Variants in ZNF320 observed in about 807,000 individuals in gnomAD.
The protein encoded by ZNF320 is zinc finger protein 320.
A neutral mutation model predicts 6.8 loss-of-function variants in ZNF320; 2 were observed. The observed-to-expected ratio is 0.29, with a 90% CI of 0.12 to 0.93. The LOEUF is 0.93. ZNF320 is among the 40% of genes least tolerant of loss of function. The pLI is 0.55. For synonymous variants in ZNF320, 208 were observed against 203.2 expected (o/e 1.02, Z -0.20); for missense variants, 472 against 611.0 (o/e 0.77, Z 2.40).
chr19:52,860,762 C>G (rs953768851), downstream of ZNF320, among the ~76,000 whole-genome samples: 7 of 152,154 alleles, frequency 4.6e-5, no homozygotes, highest in African/African-American at 1.7e-4. Context: ...TACTATTAAG[C>G]TGCTTTCCTT....
chr19:52,867,184 TAA>T (rs1491587053), intron 5 of ZNF320, among the ~76,000 whole-genome samples: 48 of 151,832 alleles, frequency 3.2e-4, no homozygotes, highest in South Asian at 4.1e-4. Flanking sequence ...ATTAATTAAT[TAA>T]TTAATTTATT....
chr19:52,903,872 A>G, the ZNF320 span, among the ~76,000 whole-genome samples: 2 of 152,204 alleles, frequency 1.3e-5, no homozygotes, highest in East Asian at 3.9e-4. Flanking sequence ...ACCAAAACTA[A>G]AGTATCTAAC....
At position 52,880,925 on chromosome 19, in the gene ZNF320, C is replaced by A. The variant is rs532293032; in HGVS notation, c.1201G>T (p.Ala401Ser). 48 of 1,613,350 alleles carry A rather than the reference C, an allele frequency of 3.0e-5. No homozygotes were observed. The East Asian group carries it at 3.6e-4, about 12-fold the overall frequency. Residue 401 changes from alanine (A) to serine (S), a missense_variant, in exon 6 of 6, where the codon GCA becomes TCA. Transcript: ENST00000682928. ...CCAGTATGAAGTTTTTGATGACATG[C>A]GAGGTACGCTTTTGTACTAAAAACC... ...GKVFSTKAYLACHQKLHTGEK... is the reference protein window; with the variant it reads ...GKVFSTKAYLSCHQKLHTGEK...
At chr19:52,899,071 G>T (rs2064551919), upstream of ZNF320, among the ~76,000 whole-genome samples, 1 of 152,122 alleles carries the variant, frequency 6.6e-6, no homozygotes, top group Non-Finnish European at 1.5e-5. Context: ...ATGTCTTTTT[G>T]TGTAATAGAT....
chr19:52,867,199 T>C (rs191057832), intron 5 of ZNF320, among the ~76,000 whole-genome samples: 30 of 152,118 alleles, frequency 2.0e-4, no homozygotes, highest in Admixed American at 9.2e-4. Flanking sequence ...AATTTATTTA[T>C]TTATGTATTT....
chr19:52,901,753 G>T (rs1248973928), upstream of ZNF320, among the ~76,000 whole-genome samples: 6 of 152,190 alleles, frequency 3.9e-5, no homozygotes, highest in African/African-American at 1.4e-4. Context: ...TTTATGTTTT[G>T]CCTAAGAGTT....
chr19:52,874,419 C>T (rs1419214116), downstream of ZNF320, among the ~76,000 whole-genome samples: 1 of 152,074 alleles, frequency 6.6e-6, no homozygotes. Flanking sequence ...GAGGAAACTG[C>T]CTTGATTTTC....
upstream of ZNF320, among the ~76,000 whole-genome samples, chr19:52,899,085 T>C (rs924268603): frequency 3.9e-5 from 6 of 152,246 alleles, no homozygotes; most frequent in South Asian, 2.1e-4. Context: ...AATAGATTGA[T>C]AGTGATTCAT....
chr19:52,896,340 C>T (rs962889666), intron 1 of ZNF320, among the ~76,000 whole-genome samples: 2 of 152,242 alleles, frequency 1.3e-5, no homozygotes, highest in African/African-American at 4.8e-5. Flanking sequence ...ATCTGCCCGC[C>T]TTGGCCTCCC....
downstream of ZNF320, chr19:52,876,090 A>AC (rs981713494): frequency 1.3e-5 from 2 of 152,134 alleles, no homozygotes; most frequent in African/African-American, 4.8e-5. Flanking sequence ...AATATTATGG[A>AC]CCAGAGGAAC....
chr19:52,883,794 G>A (rs1251314870), intron 5 of ZNF320: 1 of 315,050 alleles, frequency 3.2e-6, no homozygotes, highest in Non-Finnish European at 6.2e-6. Flanking sequence ...CCAGCTACTT[G>A]GGAATCTGAG....
chr19:52,861,397 G>A (rs1286800792), exon 6 of ZNF320, among the ~76,000 whole-genome samples: 5 of 152,092 alleles, frequency 3.3e-5, no homozygotes, highest in Non-Finnish European at 7.4e-5. Context: ...TTGATGGATT[G>A]GAAAAATTAA....
At chr19:52,859,800 G>GT (rs1423059324), downstream of ZNF320, among the ~76,000 whole-genome samples, 20 of 150,948 alleles carry the variant, frequency 1.3e-4, no homozygotes, top group South Asian at 4.2e-4. Context: ...CAGGTAAACT[G>GT]TTTTTTTTTA....
intron 5 of ZNF320, among the ~76,000 whole-genome samples, chr19:52,869,931 T>C (rs1484812028): frequency 6.6e-6 from 1 of 151,768 alleles, no homozygotes; most frequent in East Asian, 2.0e-4. Flanking sequence ...TTAGCCAGGA[T>C]GGTCTCGATC....
the ZNF320 span, among the ~76,000 whole-genome samples, chr19:52,903,082 C>T: frequency 2.5e-3 from 374 of 152,008 alleles, 2 homozygotes; most frequent in African/African-American, 8.9e-3. Flanking sequence ...ACACCTTGTA[C>T]ATAAACTGTT....
At chr19:52,871,313 T>G (rs1436317743), downstream of ZNF320, among the ~76,000 whole-genome samples, 4 of 151,814 alleles carry the variant, frequency 2.6e-5, no homozygotes, top group Non-Finnish European at 5.9e-5. Flanking sequence ...GAGCGATATT[T>G]TCTCCCACTC....
Sources: gnomAD v4.1 joint callset for allele counts (sites outside exome capture counted in the v4.1 genomes callset) on GRCh38, gnomAD v4.1.1 for gene constraint, MANE v1.5 for transcripts, NCBI Gene and HGNC (gene_info 2026-07-23, HGNC 2026-07-21) for gene names.